The following TNFRSF8 variants were observed in gnomAD, a reference collection of about 807,000 sequenced individuals.
TNFRSF8 encodes the protein TNF receptor superfamily member 8, also known as tumor necrosis factor receptor superfamily member 8.
Under a neutral mutation model 70.8 loss-of-function variants are expected in TNFRSF8, and 26 were observed. The observed-to-expected ratio is 0.37, with a 90% CI of 0.27 to 0.51. The LOEUF (loss-of-function observed/expected upper bound fraction) is 0.51. Ranked by LOEUF, TNFRSF8 falls within the 20% of genes least tolerant of loss-of-function variation. The pLI, the probability that TNFRSF8 is intolerant of heterozygous loss-of-function variation, is 0.94. For missense variants in TNFRSF8, 720 were observed against 807.9 expected, an observed-to-expected ratio of 0.89 and a Z score of 1.32; for synonymous variants, 356 against 339.2, an observed-to-expected ratio of 1.05 and a Z score of -0.54.
At chr1:12,100,321 T>C (rs998054275) in intron 3 of TNFRSF8, among the ~76,000 whole-genome samples, 3 of 152,214 alleles carry the variant, frequency 2.0e-5, no homozygotes, top group African/African-American at 7.2e-5. Context: ...TATGCACTAC[T>C]GTGGACTTTA....
At chr1:12,131,040 C>T (rs481226) in intron 12 of TNFRSF8, among the ~76,000 whole-genome samples, 4,423 of 152,276 alleles carry the variant, frequency 0.029, 241 homozygotes, top group African/African-American at 0.1. Flanking sequence ...TCTGACTTTC[C>T]ATTCAGTGTG....
At chr1:12,107,435 G>A (rs1268416781) in intron 4 of TNFRSF8, among the ~76,000 whole-genome samples, 5 of 151,942 alleles carry the variant, frequency 3.3e-5, no homozygotes, top group Non-Finnish European at 7.4e-5. Context: ...ATGCAGATAC[G>A]TCTGCATTGA....
At chr1:12,105,044 A>C (rs1400513605) in intron 4 of TNFRSF8, among the ~76,000 whole-genome samples, 3 of 152,182 alleles carry the variant, frequency 2.0e-5, no homozygotes, top group African/African-American at 7.2e-5. Context: ...ACAAGGTGTC[A>C]GGGCTGCTTT....
chr1:12,106,528 T>C (rs1385927547), intron 4 of TNFRSF8, among the ~76,000 whole-genome samples: 2 of 152,156 alleles, frequency 1.3e-5, no homozygotes, highest in Non-Finnish European at 2.9e-5. Flanking sequence ...ATGCCCCTGG[T>C]GTCCATCAAC....
At chr1:12,094,058 C>CAAA (rs778868213) in intron 2 of TNFRSF8, among the ~76,000 whole-genome samples, 1,408 of 84,634 alleles carry the variant, frequency 0.017, 41 homozygotes, top group African/African-American at 0.057. Flanking sequence ...GACTTTGTCT[C>CAAA]AAAAAAAAAA....
intron 6 of TNFRSF8, among the ~76,000 whole-genome samples, chr1:12,111,245 G>A (rs910162524): frequency 2.0e-5 from 3 of 151,382 alleles, no homozygotes; most frequent in Non-Finnish European, 2.9e-5. Flanking sequence ...GCAGTGGCGT[G>A]ATCTCGGCTC....
intron 1 of TNFRSF8, among the ~76,000 whole-genome samples, chr1:12,076,196 G>A (rs183986998): frequency 0.013 from 1,956 of 151,236 alleles, 39 homozygotes; most frequent in African/African-American, 0.044. Context: ...TGCCTCCCGG[G>A]TTCAAGCGAT....
intron 12 of TNFRSF8, among the ~76,000 whole-genome samples, chr1:12,127,939 G>T (rs1641971331): frequency 6.6e-6 from 1 of 152,198 alleles, no homozygotes; most frequent in Non-Finnish European, 1.5e-5. Flanking sequence ...TCTTATCTCA[G>T]GTCGTTTTTG....
chr1:12,137,666 T>C (rs1249392779), intron 13 of TNFRSF8, among the ~76,000 whole-genome samples: 1 of 151,954 alleles, frequency 6.6e-6, no homozygotes, highest in Non-Finnish European at 1.5e-5. Context: ...GAACTAACAG[T>C]AGTCTGTTTT....
Position 12,123,474 on chromosome 1 carries a change from G to A in TNFRSF8, c.1040+97G>A, listed in dbSNP as rs908758798. The A allele has an allele frequency of 4.1e-6, 5 of 1,223,430 alleles. No homozygotes were observed. In the African/African-American group the frequency reaches 7.6e-5, roughly 18 times the overall value. The allele number at this position is 1,223,430 out of a possible 1,614,324, so 75.8% of individuals were successfully genotyped here. ...CCTGGGAGGCAGCTGGGCTGGGGGTGGAGGTGGGGCCTGGGCTGCTCTTTT... is the reference window on the plus strand; with the variant it reads ...CCTGGGAGGCAGCTGGGCTGGGGGTAGAGGTGGGGCCTGGGCTGCTCTTTT... On this transcript the variant is annotated intron_variant, in intron 9 of 14. Coordinates refer to ENST00000263932, the MANE Select transcript of TNFRSF8 (RefSeq NM_001243.5).
intron 8 of TNFRSF8, among the ~76,000 whole-genome samples, chr1:12,123,029 G>A (rs540589573): frequency 5.3e-5 from 8 of 152,096 alleles, no homozygotes; most frequent in South Asian, 2.1e-4. Context: ...GGGTTTCACC[G>A]TGTTGGTCAG....
chr1:12,077,131 C>T (rs1341884127), intron 1 of TNFRSF8, among the ~76,000 whole-genome samples: 3 of 151,960 alleles, frequency 2.0e-5, no homozygotes, highest in Non-Finnish European at 2.9e-5. Context: ...GCCGTGTTGC[C>T]CGGGCTGGTC....
In TNFRSF8 at chr1:12,110,240, G is replaced by C; in HGVS notation, c.676+36G>C. The C allele has an allele frequency of 1.9e-6, 3 of 1,539,236 alleles. No individual in the cohort carries two copies. Among genetic ancestry groups the C allele is most frequent in the Non-Finnish European group, 2.6e-6 (3 of 1,141,998 alleles). ...CATGAAGCTGTGGGTCGTCTCCCTG[G>C]GGTGCTCGATTGGTGGATGGCCCAT... On this transcript the variant is annotated intron_variant, in intron 6 of 14. Coordinates refer to ENST00000263932, the MANE Select transcript of TNFRSF8 (RefSeq NM_001243.5). This position sits in a 1 kb window ranked among gnomAD's most constrained non-coding sequence, Gnocchi z 4.0.
rs1641876376 is a variant in TNFRSF8, at chr1:12,123,715, C to T, written c.1041C>T (p.Ser347=). The T allele has an allele frequency of 6.4e-7, 1 of 1,560,576 alleles. No homozygotes were observed. The highest frequency in any genetic ancestry group is 8.7e-7 in the Non-Finnish European group (1 of 1,151,614). ...PTPENGEAPA[S]TSPTQSLLVD... The stretch of plus-strand genomic sequence containing the variant: ...TCCTGCCTTGGGCTTCTCCCCGCAG[C>T]ACCAGCCCCACTCAGAGCTTGCTGG... The change falls in exon 10 of 15, where the codon AGC becomes AGT. Residue 347 remains serine (S), a splice_region_variant and synonymous_variant. Transcript: ENST00000263932.
chr1:12,138,462 C>G lies in TNFRSF8; in HGVS notation c.1543+26C>G. ...GTGAGTCAGCCTGTTTTGGGAGGTC[C>G]CCTGCAGCCCAGGGGCAGATGGGAG... On this transcript the variant is annotated intron_variant, in intron 14 of 14. Transcript: ENST00000263932. This position sits in a 1 kb window ranked among gnomAD's most constrained non-coding sequence, Gnocchi z 5.7. 1 of 1,593,804 alleles carries G rather than the reference C, an allele frequency of 6.3e-7. No homozygotes were observed.
chr1:12,079,312 G>A (rs1186554479), intron 1 of TNFRSF8, among the ~76,000 whole-genome samples: 1 of 152,358 alleles, frequency 6.6e-6, no homozygotes, highest in African/African-American at 2.4e-5. Flanking sequence ...CGGTTGCACA[G>A]CTCATTACCT....
intron 12 of TNFRSF8, among the ~76,000 whole-genome samples, chr1:12,132,406 C>A (rs998136884): frequency 6.6e-6 from 1 of 152,230 alleles, no homozygotes; most frequent in South Asian, 2.1e-4. Flanking sequence ...TCCCTGATGG[C>A]CTTGGCAGTT....
In TNFRSF8 at chr1:12,115,451, G is replaced by C. The variant is rs1420518312; in HGVS notation, c.794-126G>C. ...GGAGAGCTGCTCAACGGCATAGTCA[G>C]ACGAGCATTTATTTTCTTGTTGGAT... On this transcript the variant is annotated intron_variant, in intron 7 of 14. Coordinates refer to ENST00000263932, the MANE Select transcript of TNFRSF8 (RefSeq NM_001243.5). 4 of 1,058,950 alleles carry C rather than the reference G, an allele frequency of 3.8e-6. No individual in the cohort carries two copies. In the Admixed American group the frequency reaches 6.9e-5, roughly 18 times the overall value. The allele number at this position is 1,058,950 out of a possible 1,614,324, so 65.6% of individuals were successfully genotyped here.
In TNFRSF8 at chr1:12,141,410, G is replaced by C. The variant is rs1642251818; in HGVS notation, c.1544-877G>C. Among the ~76,000 whole-genome samples the C allele has an allele frequency of 6.6e-6, 1 of 152,220 alleles. No homozygotes were observed. The highest frequency in any genetic ancestry group is 2.1e-4 in the South Asian group (1 of 4,832). ...GCCCCCATGTCCCCTCTATCAGAAG[G>C]CCACACCAGAAGCCCCCACATCAGA... is the stretch of plus-strand genomic sequence containing the variant. On this transcript the variant is annotated intron_variant, in intron 14 of 14. Transcript: ENST00000263932. The surrounding 1 kb of genome is among the most constrained non-coding windows in gnomAD (Gnocchi z 5.4).
Sources: gnomAD v4.1 joint callset for allele counts (sites outside exome capture counted in the v4.1 genomes callset) on GRCh38, gnomAD v4.1.1 for gene constraint, Gnocchi (gnomAD v3.1) non-coding constraint, MANE v1.5 for transcripts, NCBI Gene and HGNC (gene_info 2026-07-23, HGNC 2026-07-21) for gene names.